Variants in GUF1 observed in about 807,000 individuals in gnomAD.
GUF1 encodes the protein GTP binding elongation factor GUF1, also known as translation factor GUF1, mitochondrial.
In GUF1, 78 loss-of-function variants were observed where a neutral mutation model predicts 82.4. The ratio of observed to expected loss-of-function variants is 0.95; its 90% CI spans 0.79 to 1.14. The LOEUF (loss-of-function observed/expected upper bound fraction) is 1.14. Among genes scored for constraint, GUF1 ranks in the 50% most tolerant of loss-of-function variants. GUF1 has a pLI of 0.00. For missense variants in GUF1, 814 were observed against 798.2 expected, an observed-to-expected ratio of 1.02 and a Z score of -0.24; for synonymous variants, 279 against 282.3, an observed-to-expected ratio of 0.99 and a Z score of 0.12.
chr4:44,691,611 T>G, intron 12 of GUF1, 55 bp from the exon 13 acceptor site: 12 of 1,347,804 alleles, frequency 8.9e-6, no homozygotes, highest in Non-Finnish European at 1.2e-5. Context: ...AATACATCAT[T>G]CCTCAGTATT....
chr4:44,688,206 C>T (rs1715189088), intron 9 of GUF1, 60 bp downstream of exon 9: 4 of 1,513,308 alleles, frequency 2.6e-6, no homozygotes, highest in Non-Finnish European at 8.9e-7. Flanking sequence ...AAAAGTCTGT[C>T]TCAGTGGTTA....
Position 44,686,852 on chromosome 4 carries a change from C to G in GUF1, c.938+139C>G, listed in dbSNP as rs1483645184. 3 of 616,168 alleles carry G rather than the reference C, an allele frequency of 4.9e-6. No homozygotes were observed. In the Admixed American group the frequency reaches 8.2e-5, roughly 17 times the overall value. The allele number at this position is 616,168 out of a possible 1,614,324, so 38.2% of individuals were successfully genotyped here. ...ATTTAATGCAACTATACAGTAAATG[C>G]TCTGTCAAGGAATCTCATGGGAAGG... On this transcript the variant is annotated intron_variant, in intron 8 of 16. Transcript: ENST00000281543.
At chr4:44,687,893 T>G in intron 8 of GUF1, 114 bp from the exon 9 acceptor site, 1 of 858,674 alleles carries the variant, frequency 1.2e-6, no homozygotes, top group Non-Finnish European at 1.8e-6. Flanking sequence ...ATTTTCAAAG[T>G]GTATGGAAAG....
intron 10 of GUF1, 110 bp downstream of exon 10, chr4:44,689,519 G>C: frequency 8.1e-7 from 1 of 1,236,282 alleles, no homozygotes. Context: ...ATAAGTAAGG[G>C]AGGTATAAAA....
chr4:44,691,052 A>G (rs1715409603), intron 12 of GUF1, among the ~76,000 whole-genome samples, 192 bp downstream of exon 12: 1 of 151,668 alleles, frequency 6.6e-6, no homozygotes, highest in South Asian at 2.1e-4. Flanking sequence ...AAATAAAAAT[A>G]TTTCTGATAA....
intron 1 of GUF1, 24 bp downstream of exon 1, chr4:44,678,811 T>G (rs990395921): frequency 6.5e-7 from 1 of 1,535,454 alleles, no homozygotes; most frequent in African/African-American, 1.4e-5. Flanking sequence ...GGAATCTGAT[T>G]TAGCCAAGTT....
Position 44,682,362 on chromosome 4 carries a change from T to TA in GUF1, c.536_537insA (p.Phe179LeufsTer17). Reference sequence around the variant, plus strand: ...ATTCAAGCCCAAACTGTAGCAAACTTCTTTCTTGCCTTCGAAGCACAGCTA... The same window carrying TA: ...ATTCAAGCCCAAACTGTAGCAAACTTACTTTCTTGCCTTCGAAGCACAGCTA... On this transcript the variant is annotated frameshift_variant, in exon 5 of 17. Transcript: ENST00000281543. LOFTEE classifies it high-confidence loss of function. 1 of 1,545,044 alleles carries TA rather than the reference T, an allele frequency of 6.5e-7. No homozygotes were observed. Among genetic ancestry groups the TA allele is most frequent in the Non-Finnish European group, 8.7e-7 (1 of 1,147,028 alleles).
chr4:44,692,546 C>G (rs1048935030), intron 13 of GUF1, among the ~76,000 whole-genome samples: 3 of 151,902 alleles, frequency 2.0e-5, no homozygotes, highest in African/African-American at 7.2e-5. Flanking sequence ...ACATTGACAT[C>G]TATAAAACTC....
chr4:44,691,752 G>T lies in GUF1; in HGVS notation c.1566G>T (p.Val522=). 1 of 1,589,942 alleles carries T rather than the reference G, an allele frequency of 6.3e-7. No individual in the cohort carries two copies. Among genetic ancestry groups the T allele is most frequent in the South Asian group, 1.1e-5 (1 of 89,234 alleles). ...LKYLFPLNEI[V]VDFYDSLKSL... ...ATCTCTTTCCTTTGAATGAAATTGT[G>T]GTAGATTTTTATGACTCTTTGAAAT... Residue 522 remains valine (V), a synonymous_variant, in exon 13 of 17, where the codon GTG becomes GTT. Transcript: ENST00000281543.
At chr4:44,684,085 C>G (rs1372779071) in intron 6 of GUF1, among the ~76,000 whole-genome samples, 1 of 152,014 alleles carries the variant, frequency 6.6e-6, no homozygotes, top group Non-Finnish European at 1.5e-5. Flanking sequence ...ATAAGACAGA[C>G]AAGACCCCTT....
rs780822009 is a variant in GUF1 at position 44,695,692 on chromosome 4, C to G, written c.1793C>G (p.Ala598Gly). The G allele has an allele frequency of 1.2e-6, 2 of 1,612,750 alleles. No homozygotes were observed. The highest frequency in any genetic ancestry group is 1.1e-5 in the South Asian group (1 of 90,968). ...DSLPRQLFEIAIQAAIGSKII... is the reference protein window; with the variant it reads ...DSLPRQLFEIGIQAAIGSKII... ...CTTCCTAGGCAACTGTTTGAGATAG[C>G]AATTCAAGCTGCTATTGGAAGTAAA... The change falls in exon 15 of 17, where the codon GCA becomes GGA. Residue 598 changes from alanine (A) to glycine (G), a missense_variant. By Grantham distance (60) the Ala-to-Gly change is moderately conservative. Transcript: ENST00000281543.
rs540401612 is a variant in GUF1 at position 44,681,332 on chromosome 4, T to G, written c.507+129T>G. The G allele has an allele frequency of 3.8e-5, 25 of 661,792 alleles. No homozygotes were observed. In the South Asian group the frequency reaches 4.2e-4, roughly 11 times the overall value. 41.0% of individuals were successfully genotyped at this position (661,792 alleles called of 1,614,324 possible). A position where few individuals can be genotyped will look rare whatever the true frequency, so the allele number is the denominator to read the frequency against. On this transcript the variant is annotated intron_variant, in intron 4 of 16. Transcript: ENST00000281543. The stretch of plus-strand genomic sequence containing the variant: ...AAAATAGATTTAATCTGTTACTTAC[T>G]GAAAATCATATGGTTTCATCCTGTT...
rs2109676238 is a variant in GUF1 at position 44,698,876 on chromosome 4, C to G, written c.*195C>G. The G allele has an allele frequency of 3.8e-6, 2 of 530,762 alleles. No homozygotes were observed. The highest frequency in any genetic ancestry group is 6.7e-6 in the Non-Finnish European group (2 of 300,644). 32.9% of individuals were successfully genotyped at this position (530,762 alleles called of 1,614,324 possible). On this transcript the variant is annotated 3_prime_UTR_variant, in exon 17 of 17. Transcript: ENST00000281543. ...TGTTGCCTGTTCTCAAATATCTGTT[C>G]CAACCACTCACTAGTAAGGTGACCG...
In GUF1 at chr4:44,682,664, C is replaced by A. The variant is rs1714836886; in HGVS notation, c.585+253C>A. The A allele has an allele frequency of 1.6e-5, 4 of 256,418 alleles. No homozygotes were observed. In the Admixed American group the frequency reaches 2.2e-4, roughly 14 times the overall value. 15.9% of individuals were successfully genotyped at this position (256,418 alleles called of 1,614,324 possible). A position where few individuals can be genotyped will look rare whatever the true frequency, so the allele number is the denominator to read the frequency against. ...ATTTCTGTAGGGAAGGGAAGCAGGG[C>A]AGATGAAACATGTTTGTCAGATTAA... On this transcript the variant is annotated intron_variant, in intron 5 of 16. Coordinates refer to ENST00000281543, the MANE Select transcript of GUF1 (RefSeq NM_021927.3).
intron 9 of GUF1, 142 bp downstream of exon 9, chr4:44,688,288 T>C: frequency 3.7e-6 from 3 of 808,530 alleles, no homozygotes; most frequent in Non-Finnish European, 3.9e-6. Flanking sequence ...TTGTGCTGTT[T>C]ATCAGTTTAT....
At chr4:44,681,271 T>C in intron 4 of GUF1, 68 bp downstream of exon 4, 2 of 1,147,234 alleles carry the variant, frequency 1.7e-6, no homozygotes, top group Non-Finnish European at 1.3e-6. Context: ...AGTTTTTCTT[T>C]AAAATGTGTT....
rs771105631 is a variant in GUF1, at chr4:44,683,327, C to A, written c.669+9C>A. On this transcript the variant is annotated intron_variant, in intron 6 of 16. Transcript: ENST00000281543. ...GTGATGAATGTATTAAGGTAAAATA[C>A]GTTCCTAAAAAGATTATACTTTGAA... The A allele has an allele frequency of 6.8e-7, 1 of 1,467,686 alleles. No homozygotes were observed. The highest frequency in any genetic ancestry group is 9.3e-7 in the Non-Finnish European group (1 of 1,081,078). 90.9% of individuals were successfully genotyped at this position (1,467,686 alleles called of 1,614,324 possible).
rs1252758069 is a variant in GUF1 at position 44,678,755 on chromosome 4, A to C, written c.133A>C (p.Thr45Pro). The change falls in exon 1 of 17, where the codon ACC (threonine) becomes CCC (proline). Residue 45 changes from threonine to proline, a missense_variant. Transcript: ENST00000281543. The part of the protein sequence containing the change: ...TLGAAPESWA[T>P]DRLYSSAEFK... The stretch of plus-strand genomic sequence containing the variant: ...TGGGGCTGCTCCAGAGTCCTGGGCT[A>C]CCGACAGGCTCTACAGCTCCGCAGA... 1 of 1,551,676 alleles carries C rather than the reference A, an allele frequency of 6.4e-7. No individual in the cohort carries two copies. The highest frequency in any genetic ancestry group is 8.6e-7 in the Non-Finnish European group (1 of 1,156,368).
intron 1 of GUF1, among the ~76,000 whole-genome samples, 191 bp from the exon 2 acceptor site, chr4:44,680,250 T>G (rs1403171031): frequency 6.6e-6 from 1 of 152,190 alleles, no homozygotes; most frequent in African/African-American, 2.4e-5. Context: ...TAGTTACCTT[T>G]GGCTATTAAA....
Sources: allele counts gnomAD v4.1 joint callset (sites outside exome capture counted in the v4.1 genomes callset), GRCh38; gene constraint gnomAD v4.1.1; transcripts MANE v1.5; gene names NCBI Gene and HGNC (gene_info 2026-07-23, HGNC 2026-07-21).